PIK3R1: variants seen among roughly 807,000 people sequenced by gnomAD.
PIK3R1 encodes phosphatidylinositol 3-kinase regulatory subunit alpha.
A neutral mutation model predicts 98.0 loss-of-function variants in PIK3R1; 29 were observed. The observed-to-expected ratio is 0.30, with a 90% CI of 0.22 to 0.40. The LOEUF (loss-of-function observed/expected upper bound fraction) is 0.40, where lower values mean the gene tolerates loss of function less well. Among genes scored for constraint, PIK3R1 ranks in the 10% least tolerant of loss-of-function variants. The probability of loss-of-function intolerance (pLI) is 1.00; values close to 1 mark genes in which losing one functional copy is unlikely to be tolerated. For synonymous variants in PIK3R1, 282 were observed against 311.8 expected, an observed-to-expected ratio of 0.90 and a Z score of 1.01; for missense variants, 596 against 872.7, an observed-to-expected ratio of 0.68 and a Z score of 3.99.
Position 68,298,671 on chromosome 5 carries a change from CAG to C in PIK3R1, c.*1072_*1073del, listed in dbSNP as rs1411846737. On this transcript the variant is annotated 3_prime_UTR_variant, in exon 16 of 16. Coordinates refer to ENST00000521381, the MANE Select transcript of PIK3R1 (RefSeq NM_181523.3). ...TAGCCCAAGGTTAAAAAGTTCATAA[CAG>C]ATTTTTTTTGGACTGTTTTGTTGGG... is the stretch of plus-strand genomic sequence containing the variant. 4.7e-5 allele frequency: 11 copies of C among 232,816 alleles called. No individual in the cohort carries two copies. Among genetic ancestry groups the C allele is most frequent in the Non-Finnish European group, 9.3e-5 (11 of 117,774 alleles). The allele number at this position is 232,816 out of a possible 1,614,324, so 14.4% of individuals were successfully genotyped here. A position where few individuals can be genotyped will look rare whatever the true frequency, so the allele number is the denominator to read the frequency against.
intron 2 of PIK3R1, among the ~76,000 whole-genome samples, chr5:68,257,886 A>G (rs1337962553): frequency 1.3e-5 from 2 of 152,200 alleles, no homozygotes; most frequent in Non-Finnish European, 2.9e-5. Context: ...TTATAATGTT[A>G]TCGTATAATC....
chr5:68,272,024 G>A (rs1746381669), intron 2 of PIK3R1, among the ~76,000 whole-genome samples: 1 of 152,106 alleles, frequency 6.6e-6, no homozygotes, highest in African/African-American at 2.4e-5. Flanking sequence ...ATTGAGGTGG[G>A]TGGATTGCTT....
At chr5:68,259,758 T>C (rs926850460) in intron 2 of PIK3R1, among the ~76,000 whole-genome samples, 1 of 152,218 alleles carries the variant, frequency 6.6e-6, no homozygotes, top group African/African-American at 2.4e-5. Context: ...AAGTAGTGCA[T>C]TGAGCTGCCC....
chr5:68,253,983 CTTTT>C (rs5868528), intron 2 of PIK3R1, among the ~76,000 whole-genome samples: 2 of 129,582 alleles, frequency 1.5e-5, no homozygotes, highest in Non-Finnish European at 3.2e-5. Context: ...CGTGGACCCC[CTTTT>C]TTTTTTTTTT....
intron 4 of PIK3R1, among the ~76,000 whole-genome samples, chr5:68,275,519 TTA>T (rs1491531215): frequency 3.1e-5 from 4 of 129,974 alleles, no homozygotes; most frequent in African/African-American, 1.5e-4. Context: ...GTTTAGTTAT[TTA>T]AAAAAAAAAA....
chr5:68,250,580 G>A (rs1745267576), intron 2 of PIK3R1, among the ~76,000 whole-genome samples: 1 of 152,166 alleles, frequency 6.6e-6, no homozygotes, highest in Non-Finnish European at 1.5e-5. Flanking sequence ...CATTGCCAAT[G>A]TAGTCATGCA....
chr5:68,252,045 T>A (rs2112071507), intron 2 of PIK3R1, among the ~76,000 whole-genome samples: 1 of 152,274 alleles, frequency 6.6e-6, no homozygotes, highest in African/African-American at 2.4e-5. Flanking sequence ...GCCAAGTGTT[T>A]GAGCAATCCC....
In PIK3R1 at chr5:68,280,519, A is replaced by C; in HGVS notation, c.635-9A>C. On this transcript the variant is annotated splice_polypyrimidine_tract_variant and intron_variant, in intron 5 of 15. Coordinates refer to ENST00000521381, the MANE Select transcript of PIK3R1 (RefSeq NM_181523.3). ...TCATTTCTCTTTTTTTTTTTTTTTA[A>C]ACTTGTAGAAGTACAAAGCTCCGAA... 6.4e-7 allele frequency: 1 copy of C among 1,554,294 alleles called. No homozygotes were observed. Among genetic ancestry groups the C allele is most frequent in the Non-Finnish European group, 8.7e-7 (1 of 1,147,692 alleles).
At chr5:68,288,640 AG>A in intron 7 of PIK3R1, 1 of 1,590,070 alleles carries the variant, frequency 6.3e-7, no homozygotes, top group South Asian at 1.1e-5. Flanking sequence ...GGCTGGGGGG[AG>A]GTGCGGGGGC....
In PIK3R1 at chr5:68,279,588, A is replaced by G; in HGVS notation, c.503-14A>G. 6.2e-7 allele frequency: 1 copy of G among 1,607,902 alleles called. No individual in the cohort carries two copies. The highest frequency in any genetic ancestry group is 2.2e-5 in the East Asian group (1 of 44,806). On this transcript the variant is annotated splice_polypyrimidine_tract_variant and intron_variant, in intron 4 of 15. Transcript: ENST00000521381. ...AAAATAAATGTCTGAAATATTTCTT[A>G]AATTGTTTCCTAGATACACCCTCCG...
intron 2 of PIK3R1, among the ~76,000 whole-genome samples, chr5:68,264,372 C>T (rs1042939466): frequency 6.6e-6 from 1 of 152,210 alleles, no homozygotes; most frequent in Non-Finnish European, 1.5e-5. Context: ...CCTAAAAAGG[C>T]AACCTAGATT....
At chr5:68,230,676 G>C (rs2111979058) in intron 2 of PIK3R1, among the ~76,000 whole-genome samples, 1 of 152,304 alleles carries the variant, frequency 6.6e-6, no homozygotes, top group South Asian at 2.1e-4. Context: ...AGTACCTTCA[G>C]TCACTTAAGC....
chr5:68,281,799 A>C (rs1459075150), intron 7 of PIK3R1, among the ~76,000 whole-genome samples: 1 of 152,202 alleles, frequency 6.6e-6, no homozygotes, highest in Non-Finnish European at 1.5e-5. Context: ...TATAGGTAAT[A>C]TATGCAGATT....
rs753303456 is a variant in PIK3R1, at chr5:68,295,496, G to C, written c.1814+8G>C. ...CAATGAAAACACTGAAGAGTAAGTA[G>C]TTACTAAAGATGGTGATAGCAGAAG... On this transcript the variant is annotated splice_region_variant and intron_variant, in intron 14 of 15. Coordinates refer to ENST00000521381, the MANE Select transcript of PIK3R1 (RefSeq NM_181523.3). 1 of 1,610,888 alleles carries C rather than the reference G, an allele frequency of 6.2e-7. No individual in the cohort carries two copies. Among genetic ancestry groups the C allele is most frequent in the Non-Finnish European group, 8.5e-7 (1 of 1,177,250 alleles).
chr5:68,281,842 G>T (rs965286236), intron 7 of PIK3R1, among the ~76,000 whole-genome samples: 1 of 152,164 alleles, frequency 6.6e-6, no homozygotes, highest in African/African-American at 2.4e-5. Context: ...CAGGCATGGG[G>T]ACTCAGTTTC....
chr5:68,241,388 G>GT (rs11335573), intron 2 of PIK3R1, among the ~76,000 whole-genome samples: 60 of 143,098 alleles, frequency 4.2e-4, no homozygotes, highest in South Asian at 2.2e-3. Context: ...AATTTTTTTT[G>GT]TTTTTTTTTT....
chr5:68,292,825 T>A, intron 8 of PIK3R1: 1 of 995,388 alleles, frequency 1.0e-6, no homozygotes, highest in Non-Finnish European at 1.4e-6. Context: ...GTACCACAGA[T>A]ACACCAATAG....
Position 68,299,725 on chromosome 5 carries a change from TTG to T in PIK3R1, c.*2125_*2126del. On this transcript the variant is annotated 3_prime_UTR_variant, in exon 16 of 16. Transcript: ENST00000521381. The stretch of plus-strand genomic sequence containing the variant: ...ACTTTGTTTTTTAATGTTGTTCCTT[TTG>T]AAAGAATCAGTCTTGCAGCTGAGTG... 1 of 233,222 alleles carries T rather than the reference TTG, an allele frequency of 4.3e-6. No homozygotes were observed. The highest frequency in any genetic ancestry group is 6.0e-5 in the East Asian group (1 of 16,570). The allele number at this position is 233,222 out of a possible 1,614,324, so 14.4% of individuals were successfully genotyped here.
chr5:68,267,507 A>G (rs1372167693), intron 2 of PIK3R1, among the ~76,000 whole-genome samples: 3 of 152,222 alleles, frequency 2.0e-5, no homozygotes, highest in Non-Finnish European at 4.4e-5. Flanking sequence ...GCAAACTTCT[A>G]GTTTAAATCT....
Sources: allele counts gnomAD v4.1 joint callset (sites outside exome capture counted in the v4.1 genomes callset), GRCh38; gene constraint gnomAD v4.1.1; transcripts MANE v1.5; gene names NCBI Gene and HGNC (gene_info 2026-07-23, HGNC 2026-07-21).